Variants in MRPS31 observed in about 807,000 individuals in gnomAD.
MRPS31 encodes small ribosomal subunit protein mS31.
MRPS31 carries 32 observed loss-of-function variants against 43.1 expected under a neutral mutation model. The ratio of observed to expected loss-of-function variants is 0.74; its 90% CI spans 0.56 to 1.00. MRPS31 has a LOEUF of 1.00. Among genes scored for constraint, MRPS31 ranks in the 50% least tolerant of loss-of-function variants. MRPS31 has a pLI of 0.00. For synonymous variants in MRPS31, 165 were observed against 161.6 expected (o/e 1.02, Z -0.16); for missense variants, 437 against 466.7 (o/e 0.94, Z 0.59).
chr13:40,758,850 C>T, intron 3 of MRPS31, 98 bp downstream of exon 3: 1 of 1,129,690 alleles, frequency 8.9e-7, no homozygotes, highest in East Asian at 2.9e-5. Context: ...ACAAATTCCA[C>T]TTACGTGGTA....
chr13:40,756,926 A>G lies in MRPS31; in HGVS notation c.687T>C (p.Asp229=). ...GGCCAGGATAATTGTCATAGCCTTC[A>G]TCAAACTGAATCCGAAGCTCTGGTC... is the stretch of plus-strand genomic sequence containing the variant. The part of the protein sequence containing the change: ...RSRPELRIQF[D]EGYDNYPGQE... Residue 229 remains aspartate (D), a synonymous_variant, in exon 4 of 7, where the codon GAT becomes GAC. Transcript: ENST00000323563. The G allele has an allele frequency of 6.2e-7, 1 of 1,614,040 alleles. No individual in the cohort carries two copies. Among genetic ancestry groups the G allele is most frequent in the Non-Finnish European group, 8.5e-7 (1 of 1,179,990 alleles).
Position 40,766,742 on chromosome 13 carries a change from T to G in MRPS31, c.440+4A>C, listed in dbSNP as rs569440916. ...AACAACATCTGAATTACAATTAAAT[T>G]TACCTCTTCTTTGGAGCATATTCTG... On this transcript the variant is annotated splice_donor_region_variant and intron_variant, in intron 2 of 6. Transcript: ENST00000323563. 6.9e-5 allele frequency: 108 copies of G among 1,574,614 alleles called. No individual in the cohort carries two copies. Among genetic ancestry groups the G allele is most frequent in the South Asian group, 3.8e-4 (32 of 84,650 alleles).
At chr13:40,734,573 A>G (rs940288088) in intron 6 of MRPS31, among the ~76,000 whole-genome samples, 4 of 152,192 alleles carry the variant, frequency 2.6e-5, no homozygotes, top group African/African-American at 9.7e-5. Flanking sequence ...TGGGAACAGG[A>G]AAGAATATAT....
intron 1 of MRPS31, among the ~76,000 whole-genome samples, chr13:40,769,422 T>G (rs1041347732): frequency 1.1e-5 from 1 of 89,294 alleles, no homozygotes; most frequent in Non-Finnish European, 2.2e-5. Flanking sequence ...ATATATATAT[T>G]ATCAAGTTCT....
intron 5 of MRPS31, among the ~76,000 whole-genome samples, chr13:40,750,036 C>A (rs1880341432): frequency 6.6e-6 from 1 of 152,122 alleles, no homozygotes; most frequent in Non-Finnish European, 1.5e-5. Flanking sequence ...AGAGATAATA[C>A]ATGTCCATAC....
chr13:40,758,835 T>G (rs1376751199), intron 3 of MRPS31, 113 bp downstream of exon 3: 3 of 996,896 alleles, frequency 3.0e-6, no homozygotes, highest in Non-Finnish European at 4.0e-6. Flanking sequence ...TGGTATATTT[T>G]ATATACAAAT....
At chr13:40,768,434 T>TA (rs201846138) in intron 1 of MRPS31, among the ~76,000 whole-genome samples, 1 of 141,862 alleles carries the variant, frequency 7.0e-6, no homozygotes, top group Non-Finnish European at 1.5e-5. Flanking sequence ...TTAATATGCA[T>TA]AAAAATTTTT....
At chr13:40,763,519 C>T (rs1880759779) in intron 2 of MRPS31, among the ~76,000 whole-genome samples, 1 of 152,144 alleles carries the variant, frequency 6.6e-6, no homozygotes, top group Non-Finnish European at 1.5e-5. Context: ...CAGATGCAAT[C>T]TATGAATTAG....
rs148063206 is a variant in MRPS31 at position 40,754,611 on chromosome 13, T to C, written c.741-519A>G. On this transcript the variant is annotated intron_variant, in intron 4 of 6. Transcript: ENST00000323563. ...TTACGTGACTATTTTTAATTAACTA[T>C]TGAAATTAATATCAGAGAGTTAATA... Among the ~76,000 whole-genome samples the C allele has an allele frequency of 1.6e-4, 25 of 152,398 alleles. No homozygotes were observed. The East Asian group carries it at 4.8e-3, about 29-fold the overall frequency.
chr13:40,729,863 G>T (rs992056618), intron 6 of MRPS31, among the ~76,000 whole-genome samples: 1 of 151,656 alleles, frequency 6.6e-6, no homozygotes, highest in Non-Finnish European at 1.5e-5. Context: ...CCGAGTAGCT[G>T]GGACTACAGG....
chr13:40,736,613 T>C (rs1382664539), intron 6 of MRPS31, among the ~76,000 whole-genome samples: 1 of 150,624 alleles, frequency 6.6e-6, no homozygotes, highest in African/African-American at 2.5e-5. Flanking sequence ...CAGAAGAGAG[T>C]GGGGACCAAT....
chr13:40,733,133 A>T (rs1879756808), intron 6 of MRPS31, among the ~76,000 whole-genome samples: 1 of 149,706 alleles, frequency 6.7e-6, no homozygotes, highest in African/African-American at 2.5e-5. Context: ...CCTCCTGAGT[A>T]GCTGGGATTA....
intron 5 of MRPS31, 39 bp from the exon 6 acceptor site, chr13:40,749,320 G>GT: frequency 6.8e-7 from 1 of 1,472,660 alleles, no homozygotes; most frequent in Non-Finnish European, 9.0e-7. Context: ...ACAAGTCAAT[G>GT]TAAGTATCTT....
intron 3 of MRPS31, among the ~76,000 whole-genome samples, chr13:40,758,747 T>G (rs1339295296): frequency 2.0e-5 from 3 of 152,370 alleles, no homozygotes; most frequent in Non-Finnish European, 4.4e-5. Context: ...AAAGGAAACT[T>G]TATTCAATTG....
chr13:40,753,668 G>A (rs553547540), intron 5 of MRPS31, among the ~76,000 whole-genome samples: 134 of 152,290 alleles, frequency 8.8e-4, no homozygotes, highest in South Asian at 6.2e-4. Context: ...AACAGTCATC[G>A]CGCACACAGA....
chr13:40,750,882 G>T (rs9577138), intron 5 of MRPS31, among the ~76,000 whole-genome samples: 2 of 151,176 alleles, frequency 1.3e-5, no homozygotes, highest in African/African-American at 4.9e-5. Context: ...ACTTTAGCGC[G>T]TATCTGTAAT....
In MRPS31 at chr13:40,759,000, G is replaced by C; in HGVS notation, c.547C>G (p.Gln183Glu). ...TGTGCCCTTGACTCTTCCTCATGCT[G>C]CTGGAGCTGGCTCAGCAGCTCTGAC... ...TKSELLSQLQ[Q>E]HEEESRAQRD... Residue 183 changes from glutamine (Q) to glutamate (E), a missense_variant, in exon 3 of 7, where the codon CAG (glutamine) becomes GAG (glutamate). Physicochemically the swap from Gln to Glu is conservative, Grantham distance 29. Transcript: ENST00000323563. 1 of 1,608,806 alleles carries C rather than the reference G, an allele frequency of 6.2e-7. No homozygotes were observed. The highest frequency in any genetic ancestry group is 2.2e-5 in the East Asian group (1 of 44,784).
chr13:40,763,998 G>T (rs4943813), intron 2 of MRPS31, among the ~76,000 whole-genome samples: 1 of 151,978 alleles, frequency 6.6e-6, no homozygotes, highest in African/African-American at 2.4e-5. Context: ...CCGGAATCTA[G>T]CTTAGCTAAA....
At chr13:40,738,633 T>A (rs1879993462) in intron 6 of MRPS31, among the ~76,000 whole-genome samples, 1 of 152,102 alleles carries the variant, frequency 6.6e-6, no homozygotes, top group South Asian at 2.1e-4. Flanking sequence ...GCTGGTTCAA[T>A]ATACGCAAAT....
Sources: allele counts gnomAD v4.1 joint callset (sites outside exome capture counted in the v4.1 genomes callset), GRCh38; gene constraint gnomAD v4.1.1; transcripts MANE v1.5; gene names NCBI Gene and HGNC (gene_info 2026-07-23, HGNC 2026-07-21).